Variants in TNRC18 observed in about 807,000 individuals in gnomAD.
TNRC18 encodes the protein trinucleotide repeat-containing gene 18 protein.
A neutral mutation model predicts 226.7 loss-of-function variants in TNRC18; 69 were observed. The ratio of observed to expected loss-of-function variants is 0.30; its 90% CI spans 0.25 to 0.37. The LOEUF (loss-of-function observed/expected upper bound fraction) is 0.37, where lower values mean the gene tolerates loss of function less well. TNRC18 is among the 10% of genes least tolerant of loss of function. The pLI, the probability that TNRC18 is intolerant of heterozygous loss-of-function variation, is 1.00. For missense variants in TNRC18, 4,754 were observed against 4,256.6 expected, an observed-to-expected ratio of 1.12 and a Z score of -3.25; for synonymous variants, 2,449 against 1,927.6, an observed-to-expected ratio of 1.27 and a Z score of -7.09.
chr7:5,359,685 G>A, intron 14 of TNRC18, 116 bp from the exon 15 acceptor site: 2 of 1,139,362 alleles, frequency 1.8e-6, no homozygotes, highest in Non-Finnish European at 2.6e-6. Flanking sequence ...GACAGTGATG[G>A]CAGAGTGACG....
At chr7:5,381,832 G>A (rs1002847390) in intron 5 of TNRC18, among the ~76,000 whole-genome samples, 1 of 152,092 alleles carries the variant, frequency 6.6e-6, no homozygotes, top group Non-Finnish European at 1.5e-5. Context: ...TGGGCACGGT[G>A]GCAGGTGCCT....
chr7:5,364,462 AACACACACACACACACACACACACAC>A (rs58752853), intron 11 of TNRC18, among the ~76,000 whole-genome samples: 5 of 116,716 alleles, frequency 4.3e-5, no homozygotes, highest in East Asian at 2.8e-4. Context: ...TCTCAAAGAA[AACACACACACACACACACACACACAC>A]ACACACACAC....
intron 14 of TNRC18, 104 bp from the exon 15 acceptor site, chr7:5,359,673 T>A: frequency 8.0e-7 from 1 of 1,255,124 alleles, no homozygotes. Flanking sequence ...ACCCTGAGCG[T>A]GGACAGTGAT....
At chr7:5,335,522 C>T (rs889332185) in intron 18 of TNRC18, among the ~76,000 whole-genome samples, 1 of 151,088 alleles carries the variant, frequency 6.6e-6, no homozygotes, top group Admixed American at 6.6e-5. Context: ...CAGGAAATTG[C>T]CTGAACCAGG....
chr7:5,387,856 C>CT lies in TNRC18; in HGVS notation c.1967dup (p.Arg657GlufsTer18), dbSNP rs1457236963. The CT allele has an allele frequency of 6.2e-7, 1 of 1,600,406 alleles. No individual in the cohort carries two copies. Among genetic ancestry groups the CT allele is most frequent in the Non-Finnish European group, 8.5e-7 (1 of 1,176,472 alleles). On this transcript the variant is annotated frameshift_variant, in exon 5 of 30. Transcript: ENST00000430969. LOFTEE classifies it high-confidence loss of function. ...CGAAAGCTTTGGCGCTCTCGGGCCT[C>CT]TCGGGGTCCCGCTTCAGCTGCCGGC...
rs1381340829 is a variant in TNRC18 at position 5,388,796 on chromosome 7, T to A, written c.1028A>T (p.Lys343Met). Reference protein sequence around the residue: ...SPLPPPPAPPKGPPAPPAATP... With the variant: ...SPLPPPPAPPMGPPAPPAATP... The stretch of plus-strand genomic sequence containing the variant: ...GGCCGCGGGGGGTGCAGGAGGCCCC[T>A]TGGGGGGCGCGGGCGGCGGGGGCAG... Residue 343 changes from lysine to methionine, a missense_variant, in exon 5 of 30, where the codon AAG becomes ATG. By Grantham distance (95) the Lys-to-Met change is moderately conservative (BLOSUM62 -1). Transcript: ENST00000430969. The A allele has an allele frequency of 5.0e-6, 6 of 1,202,218 alleles. No individual in the cohort carries two copies. The highest frequency in any genetic ancestry group is 6.2e-6 in the Non-Finnish European group (6 of 967,944). The allele number at this position is 1,202,218 out of a possible 1,614,324, so 74.5% of individuals were successfully genotyped here. A position where few individuals can be genotyped will look rare whatever the true frequency, so the allele number is the denominator to read the frequency against.
chr7:5,321,240 CA>C, intron 21 of TNRC18, 50 bp from the exon 22 acceptor site: 1 of 1,332,484 alleles, frequency 7.5e-7, no homozygotes, highest in Non-Finnish European at 1.0e-6. Context: ...GCGTCTGCGA[CA>C]CCTCTCCCTC....
Position 5,377,817 on chromosome 7 carries a change from A to T in TNRC18, c.2255+105T>A, listed in dbSNP as rs11978476. 6,006 of 1,148,092 alleles carry T rather than the reference A, an allele frequency of 5.2e-3. 224 individuals carry two copies. In the African/African-American group the frequency reaches 0.078, roughly 15 times the overall value. 71.1% of individuals were successfully genotyped at this position (1,148,092 alleles called of 1,614,324 possible). A position where few individuals can be genotyped will look rare whatever the true frequency, so the allele number is the denominator to read the frequency against. ...TGACTCCCGCTCTCAGTACCATAGC[A>T]TCCATGGTCGAGGGGCCAAGCCCAC... On this transcript the variant is annotated intron_variant, in intron 6 of 29. Coordinates refer to ENST00000430969, the MANE Select transcript of TNRC18 (RefSeq NM_001080495.3). This position sits in a 1 kb window ranked among gnomAD's most constrained non-coding sequence, Gnocchi z 5.8.
chr7:5,356,242 C>A (rs1005728342), intron 16 of TNRC18, among the ~76,000 whole-genome samples: 1 of 151,668 alleles, frequency 6.6e-6, no homozygotes, highest in African/African-American at 2.4e-5. Context: ...GTAGGTGGGT[C>A]GGGCCGAACC....
At chr7:5,416,801 G>A (rs777009158) in intron 2 of TNRC18, among the ~76,000 whole-genome samples, 4 of 151,862 alleles carry the variant, frequency 2.6e-5, no homozygotes, top group African/African-American at 4.8e-5. Context: ...AGACCAGCTG[G>A]ACAACATAGC....
intron 18 of TNRC18, 39 bp downstream of exon 18, chr7:5,345,517 GCCCCTC>G: frequency 5.6e-5 from 21 of 377,726 alleles, no homozygotes; most frequent in South Asian, 1.3e-4. Flanking sequence ...AATGGCGTCC[GCCCCTC>G]CCACCCACCC....
chr7:5,354,970 T>C (rs1452851315), intron 16 of TNRC18, among the ~76,000 whole-genome samples: 1 of 152,204 alleles, frequency 6.6e-6, no homozygotes, highest in Non-Finnish European at 1.5e-5. Flanking sequence ...TCTCCGCCCA[T>C]GAACCGGCCA....
chr7:5,414,998 T>C (rs1782086215), intron 2 of TNRC18, among the ~76,000 whole-genome samples: 1 of 152,198 alleles, frequency 6.6e-6, no homozygotes, highest in African/African-American at 2.4e-5. Context: ...TTGACATTTT[T>C]TTAAGAGTCC....
At chr7:5,404,095 G>A (rs1317629863) in intron 2 of TNRC18, among the ~76,000 whole-genome samples, 9 of 152,154 alleles carry the variant, frequency 5.9e-5, no homozygotes, top group Admixed American at 6.6e-5. Flanking sequence ...AGGCAGGGCC[G>A]GGGGCGGTGG....
At position 5,307,017 on chromosome 7, in the gene TNRC18, C is replaced by G. The variant is rs796869366; in HGVS notation, c.*1089G>C. On this transcript the variant is annotated 3_prime_UTR_variant, in exon 30 of 30. Transcript: ENST00000430969. The stretch of plus-strand genomic sequence containing the variant: ...GTGCTTTCTGGGGCCCAAGCAGGGA[C>G]CCTGGGCTTGGGCCGGCTCCTGCCT... The G allele has an allele frequency of 6.6e-6, 1 of 150,998 alleles. No homozygotes were observed. The highest frequency in any genetic ancestry group is 1.9e-4 in the East Asian group (1 of 5,132). 9.4% of individuals were successfully genotyped at this position (150,998 alleles called of 1,614,324 possible).
chr7:5,383,449 G>A (rs765700638), intron 5 of TNRC18, among the ~76,000 whole-genome samples: 13 of 152,122 alleles, frequency 8.5e-5, no homozygotes, highest in African/African-American at 2.7e-4. Context: ...CTATGTGCCC[G>A]TCAGCCCACC....
rs944274729 is a variant in TNRC18, at chr7:5,324,452, C to T, written c.6301-97G>A. On this transcript the variant is annotated intron_variant, in intron 20 of 29. Transcript: ENST00000430969. This position sits in a 1 kb window ranked among gnomAD's most constrained non-coding sequence, Gnocchi z 4.8. ...TGGAAACCTGGAGCCACAGTCAGGC[C>T]GCAGGGGGAATCTGTCATGTGCATG... is the stretch of plus-strand genomic sequence containing the variant. 1.8e-5 allele frequency: 27 copies of T among 1,493,038 alleles called. No homozygotes were observed. The African/African-American group carries it at 2.5e-4, about 14-fold the overall frequency. The allele number at this position is 1,493,038 out of a possible 1,614,324, so 92.5% of individuals were successfully genotyped here. A position where few individuals can be genotyped will look rare whatever the true frequency, so the allele number is the denominator to read the frequency against.
At position 5,388,281 on chromosome 7, in the gene TNRC18, G is replaced by T; in HGVS notation, c.1543C>A (p.Leu515Met). ...ATCTGCGTGGCGGCGAAGTTGCCCA[G>T]CTCGAAGGGTTTCCATTTATGCTCA... ...GPEHKWKPFE[L>M]GNFAATQMAV... is the part of the protein sequence containing the mutation. The change falls in exon 5 of 30, where the codon CTG becomes ATG. Residue 515 changes from leucine to methionine, a missense_variant. Transcript: ENST00000430969. 1 of 1,609,046 alleles carries T rather than the reference G, an allele frequency of 6.2e-7. No individual in the cohort carries two copies.
chr7:5,406,448 C>G (rs1362141742), intron 2 of TNRC18, among the ~76,000 whole-genome samples: 1 of 151,714 alleles, frequency 6.6e-6, no homozygotes, highest in South Asian at 2.1e-4. Context: ...GGTAATAGAG[C>G]GAGACTCTGT....
Sources: allele counts gnomAD v4.1 joint callset (sites outside exome capture counted in the v4.1 genomes callset), GRCh38; gene constraint gnomAD v4.1.1; non-coding constraint Gnocchi (gnomAD v3.1); transcripts MANE v1.5; gene names NCBI Gene and HGNC (gene_info 2026-07-23, HGNC 2026-07-21).